Variants in BRAF observed in about 807,000 individuals in gnomAD.
BRAF encodes the protein serine/threonine-protein kinase B-raf.
Under a neutral mutation model 104.6 loss-of-function variants are expected in BRAF, and 16 were observed. The ratio of observed to expected loss-of-function variants is 0.15; its 90% confidence interval spans 0.10 to 0.23. BRAF has a LOEUF of 0.23. Among genes scored for constraint, BRAF ranks in the 10% least tolerant of loss-of-function variants. The pLI is 1.00. For missense variants in BRAF, 541 were observed against 937.3 expected, an observed-to-expected ratio of 0.58 and a Z score of 5.52; for synonymous variants, 310 against 341.6, an observed-to-expected ratio of 0.91 and a Z score of 1.02.
At chr7:140,834,414 G>A in intron 3 of BRAF, 195 bp downstream of exon 3, 1 of 794,852 alleles carries the variant, frequency 1.3e-6, no homozygotes, top group Non-Finnish European at 2.0e-6. Context: ...CAACACTAGA[G>A]ACAATACCAT....
At chr7:140,857,693 T>C (rs965418961) in intron 1 of BRAF, among the ~76,000 whole-genome samples, 1 of 152,094 alleles carries the variant, frequency 6.6e-6, no homozygotes, top group African/African-American at 2.4e-5. Flanking sequence ...ATTTCAAACC[T>C]ATCTATTATT....
At chr7:140,870,970 G>A (rs1230836744) in intron 1 of BRAF, among the ~76,000 whole-genome samples, 6 of 151,866 alleles carry the variant, frequency 4.0e-5, no homozygotes, top group East Asian at 1.9e-4. Flanking sequence ...GCTCACGCCC[G>A]TAATCCCAGC....
At chr7:140,915,486 G>A (rs1028827457) in intron 1 of BRAF, among the ~76,000 whole-genome samples, 1 of 149,702 alleles carries the variant, frequency 6.7e-6, no homozygotes, top group African/African-American at 2.5e-5. Context: ...CCAGGCTGGA[G>A]TGCAATGGCG....
At position 140,721,829 on chromosome 7, in the gene BRAF, C is replaced by A; in HGVS notation, c.*4665G>T. On this transcript the variant is annotated 3_prime_UTR_variant, in exon 20 of 20. Transcript: ENST00000644969. ...CCAGGTCATAAAGGATGCCTTGAGA[C>A]CTCCACCCTGGCCCCCACAGCGCTT... 1.5e-6 allele frequency: 2 copies of A among 1,366,176 alleles called. No homozygotes were observed. Among genetic ancestry groups the A allele is most frequent in the Non-Finnish European group, 1.9e-6 (2 of 1,061,916 alleles). 84.6% of individuals were successfully genotyped at this position (1,366,176 alleles called of 1,614,324 possible). A position where few individuals can be genotyped will look rare whatever the true frequency, so the allele number is the denominator to read the frequency against.
At position 140,722,823 on chromosome 7, in the gene BRAF, A is replaced by G. The variant is rs1161922033; in HGVS notation, c.*3671T>C. 1.5e-5 allele frequency: 16 copies of G among 1,052,052 alleles called. No homozygotes were observed. In the Admixed American group the frequency reaches 8.2e-4, roughly 54 times the overall value. 65.2% of individuals were successfully genotyped at this position (1,052,052 alleles called of 1,614,324 possible). ...TACCACAGCTATTTAATTTCATGCA[A>G]TTGACTCAAGGTTAAGATTCTGAAA... is the stretch of plus-strand genomic sequence containing the variant. On this transcript the variant is annotated 3_prime_UTR_variant, in exon 20 of 20. Coordinates refer to ENST00000644969, the MANE Select transcript of BRAF (RefSeq NM_001374258.1).
chr7:140,845,415 G>T (rs965058046), intron 2 of BRAF, among the ~76,000 whole-genome samples: 6 of 151,928 alleles, frequency 3.9e-5, no homozygotes, highest in African/African-American at 1.5e-4. Context: ...CCCACACAAT[G>T]GGAAAAATAT....
chr7:140,887,499 A>T (rs901650574), intron 1 of BRAF, among the ~76,000 whole-genome samples: 4 of 152,184 alleles, frequency 2.6e-5, no homozygotes, highest in Non-Finnish European at 5.9e-5. Context: ...GGTGGAGGTC[A>T]GTTCAGAGAG....
intron 1 of BRAF, among the ~76,000 whole-genome samples, chr7:140,867,096 G>A (rs1464198256): frequency 6.6e-6 from 1 of 152,040 alleles, no homozygotes; most frequent in Non-Finnish European, 1.5e-5. Context: ...AAAATATTAT[G>A]CAATACACAT....
In BRAF at chr7:140,801,413, C is replaced by T. The variant is rs2129044265; in HGVS notation, c.859G>A (p.Asp287Asn). ...AAGAGATATTTTTGGATTACTTACTCAAGTTGGTCATAATTAACACACATC... is the reference window on the plus strand; with the variant it reads ...AAGAGATATTTTTGGATTACTTACTTAAGTTGGTCATAATTAACACACATC... Reference protein sequence around the residue: ...PLMCVNYDQLDLLFVSKFFEH... With the variant: ...PLMCVNYDQLNLLFVSKFFEH... Residue 287 changes from aspartate (D) to asparagine (N), a missense_variant and splice_region_variant, in exon 6 of 20, where the codon GAT (aspartate) becomes AAT (asparagine). This residue lies in a region of BRAF where 19 missense variants were observed against 51.8 expected (regional missense o/e 0.37). Coordinates refer to ENST00000644969, the MANE Select transcript of BRAF (RefSeq NM_001374258.1). 6.2e-7 allele frequency: 1 copy of T among 1,613,754 alleles called. No individual in the cohort carries two copies. Among genetic ancestry groups the T allele is most frequent in the Non-Finnish European group, 8.5e-7 (1 of 1,179,770 alleles).
chr7:140,874,500 T>TA (rs1220171381), intron 1 of BRAF, among the ~76,000 whole-genome samples: 1 of 90,346 alleles, frequency 1.1e-5, no homozygotes, highest in Non-Finnish European at 2.2e-5. Context: ...GCGACTGGCC[T>TA]AAAAAAAGTT....
At chr7:140,830,567 T>C (rs1465542798) in intron 3 of BRAF, among the ~76,000 whole-genome samples, 6 of 152,148 alleles carry the variant, frequency 3.9e-5, no homozygotes, top group Non-Finnish European at 8.8e-5. Context: ...TCCAACAAGG[T>C]GAGTTTTGGT....
chr7:140,728,565 C>T (rs557099424), intron 19 of BRAF, among the ~76,000 whole-genome samples: 1 of 150,530 alleles, frequency 6.6e-6, no homozygotes, highest in East Asian at 1.9e-4. Context: ...AAAAAAAAGG[C>T]TAAATTAAAT....
intron 1 of BRAF, among the ~76,000 whole-genome samples, chr7:140,904,282 T>TCC (rs1349388571): frequency 6.6e-6 from 1 of 152,174 alleles, no homozygotes; most frequent in Non-Finnish European, 1.5e-5. Flanking sequence ...GCCATCAACA[T>TCC]CGAGGCAAGA....
At chr7:140,838,513 A>G (rs1012865736) in intron 2 of BRAF, among the ~76,000 whole-genome samples, 5 of 152,214 alleles carry the variant, frequency 3.3e-5, no homozygotes, top group African/African-American at 1.2e-4. Context: ...AGAAGACTTA[A>G]TATCATTAAA....
At chr7:140,771,219 A>C (rs1298556641) in intron 14 of BRAF, among the ~76,000 whole-genome samples, 4 of 152,180 alleles carry the variant, frequency 2.6e-5, no homozygotes, top group Admixed American at 2.6e-4. Context: ...TTTTTGAGAC[A>C]GGGTCTTGCT....
chr7:140,831,177 T>C (rs1806700433), intron 3 of BRAF, among the ~76,000 whole-genome samples: 1 of 152,194 alleles, frequency 6.6e-6, no homozygotes, highest in Non-Finnish European at 1.5e-5. Flanking sequence ...CCCAGTTGAT[T>C]ATCTACAGAG....
intron 1 of BRAF, among the ~76,000 whole-genome samples, chr7:140,857,898 G>C (rs1809980672): frequency 6.6e-6 from 1 of 152,100 alleles, no homozygotes; most frequent in Non-Finnish European, 1.5e-5. Flanking sequence ...AAAATTAAAA[G>C]GGTGGGAGAG....
chr7:140,857,473 GTTAT>G (rs975708783), intron 1 of BRAF, among the ~76,000 whole-genome samples: 4 of 152,154 alleles, frequency 2.6e-5, no homozygotes, highest in African/African-American at 9.7e-5. Flanking sequence ...CAAGTTTGTT[GTTAT>G]TTATTATTGC....
intron 1 of BRAF, among the ~76,000 whole-genome samples, chr7:140,893,809 C>T (rs1814554448): frequency 6.6e-6 from 1 of 151,986 alleles, no homozygotes; most frequent in Non-Finnish European, 1.5e-5. Flanking sequence ...CTATCAAATG[C>T]ATTTTAGGGG....
Sources: allele counts gnomAD v4.1 joint callset (sites outside exome capture counted in the v4.1 genomes callset), GRCh38; gene constraint gnomAD v4.1.1; regional missense constraint gnomAD v4.1.1; transcripts MANE v1.5; gene names NCBI Gene and HGNC (gene_info 2026-07-23, HGNC 2026-07-21).